PAX7: variants seen among roughly 807,000 people sequenced by gnomAD.
PAX7 encodes the protein paired box 7.
Under a neutral mutation model 50.7 loss-of-function variants are expected in PAX7, and 18 were observed. The ratio of observed to expected loss-of-function variants is 0.36; its 90% CI spans 0.25 to 0.53. The LOEUF is 0.53. Among genes scored for constraint, PAX7 ranks in the 20% least tolerant of loss-of-function variants. The pLI is 0.93. For missense variants in PAX7, 644 were observed against 702.9 expected (o/e 0.92, Z 0.95); for synonymous variants, 310 against 290.4 (o/e 1.07, Z -0.69).
At chr1:18,699,096 C>T (rs946312591) in intron 5 of PAX7, among the ~76,000 whole-genome samples, 1 of 152,212 alleles carries the variant, frequency 6.6e-6, no homozygotes, top group African/African-American at 2.4e-5. Context: ...CTTGTTCATT[C>T]ATTCATTCGT....
At chr1:18,702,242 G>A (rs1399622995) in intron 6 of PAX7, among the ~76,000 whole-genome samples, 3 of 152,240 alleles carry the variant, frequency 2.0e-5, no homozygotes, top group African/African-American at 7.2e-5. Context: ...AGGAGGCTGA[G>A]GCAGGGGAAT....
chr1:18,681,233 C>T (rs999157982), intron 4 of PAX7, among the ~76,000 whole-genome samples: 3 of 151,796 alleles, frequency 2.0e-5, no homozygotes, highest in Non-Finnish European at 4.4e-5. Context: ...CTGCCCCTGC[C>T]CCCAAGGTGC....
chr1:18,652,249 C>T (rs1400601304), intron 4 of PAX7, among the ~76,000 whole-genome samples: 2 of 152,082 alleles, frequency 1.3e-5, no homozygotes, highest in East Asian at 3.9e-4. Flanking sequence ...TTCTCTTCCC[C>T]GCCCCCCCAT....
At chr1:18,737,238 G>A (rs1036232228) in intron 8 of PAX7, among the ~76,000 whole-genome samples, 1 of 152,258 alleles carries the variant, frequency 6.6e-6, no homozygotes, top group Non-Finnish European at 1.5e-5. Flanking sequence ...TCAGAAGGGC[G>A]TGTGGCAAGA....
At chr1:18,635,349 CT>C in intron 3 of PAX7, 109 bp downstream of exon 3, 1 of 1,326,314 alleles carries the variant, frequency 7.5e-7, no homozygotes, top group Non-Finnish European at 1.0e-6. Flanking sequence ...TGACTGTGAA[CT>C]TACTGAGAAG....
chr1:18,672,554 G>A (rs1023300250), intron 4 of PAX7, among the ~76,000 whole-genome samples: 1 of 150,000 alleles, frequency 6.7e-6, no homozygotes, highest in Non-Finnish European at 1.5e-5. Flanking sequence ...CAGATGCAGT[G>A]TCCCCTCCTG....
chr1:18,729,403 A>G (rs535670374), intron 7 of PAX7, among the ~76,000 whole-genome samples: 1 of 152,286 alleles, frequency 6.6e-6, no homozygotes, highest in South Asian at 2.1e-4. Context: ...CAGTTTCCCC[A>G]TCTGTGAACA....
chr1:18,736,799 G>C (rs1930712699), intron 8 of PAX7, among the ~76,000 whole-genome samples: 1 of 152,220 alleles, frequency 6.6e-6, no homozygotes, highest in Non-Finnish European at 1.5e-5. Context: ...TTGAAGATTG[G>C]TTTTTGACTT....
At chr1:18,677,205 G>T (rs1244428644) in intron 4 of PAX7, among the ~76,000 whole-genome samples, 1 of 152,222 alleles carries the variant, frequency 6.6e-6, no homozygotes. Context: ...TGTCTCCAGA[G>T]GGTGAAGTCT....
At chr1:18,667,867 A>C (rs944959058) in intron 4 of PAX7, among the ~76,000 whole-genome samples, 1 of 152,088 alleles carries the variant, frequency 6.6e-6, no homozygotes, top group African/African-American at 2.4e-5. Flanking sequence ...GGCCAGTAGG[A>C]CACATGCCCT....
intron 7 of PAX7, among the ~76,000 whole-genome samples, chr1:18,727,378 A>T (rs977864554): frequency 0.036 from 2,581 of 71,928 alleles, 35 homozygotes; most frequent in African/African-American, 0.079. Context: ...TCATACACAC[A>T]CACACACACA....
At chr1:18,716,513 T>TTG (rs59102162) in intron 7 of PAX7, among the ~76,000 whole-genome samples, 90,215 of 150,726 alleles carry the variant, frequency 0.6, 27,996 homozygotes, top group Non-Finnish European at 0.69. Context: ...TGTTTTTTGT[T>TTG]TTTTTCACAC....
chr1:18,733,432 A>G (rs766194559), intron 7 of PAX7, among the ~76,000 whole-genome samples: 1 of 152,042 alleles, frequency 6.6e-6, no homozygotes, highest in African/African-American at 2.4e-5. Flanking sequence ...TTGCAAACCC[A>G]TTCCAGTGTG....
intron 7 of PAX7, among the ~76,000 whole-genome samples, chr1:18,716,715 C>T (rs1295511727): frequency 6.6e-6 from 1 of 151,960 alleles, no homozygotes; most frequent in African/African-American, 2.4e-5. Flanking sequence ...TCCCTCTTTG[C>T]CTGCCTCCTC....
chr1:18,634,399 AGATGG>A lies in PAX7; in HGVS notation c.183_187del (p.Glu61AspfsTer57). 1 of 1,614,168 alleles carries A rather than the reference AGATGG, an allele frequency of 6.2e-7. No homozygotes were observed. Among genetic ancestry groups the A allele is most frequent in the Non-Finnish European group, 8.5e-7 (1 of 1,180,036 alleles). On this transcript the variant is annotated frameshift_variant, in exon 2 of 9. Coordinates refer to ENST00000420770, the MANE Select transcript of PAX7 (RefSeq NM_001135254.2). LOFTEE classifies it high-confidence loss of function. The surrounding 1 kb of genome is among the most constrained non-coding windows in gnomAD (Gnocchi z 4.0). ...AACCACATCCGCCACAAGATAGTGG[AGATGG>A]CCCACCATGGCATCCGGCCCTGTGT...
intron 8 of PAX7, among the ~76,000 whole-genome samples, chr1:18,737,703 TCTG>T (rs1340885859): frequency 6.6e-6 from 1 of 152,290 alleles, no homozygotes; most frequent in Non-Finnish European, 1.5e-5. Flanking sequence ...GATGTGCACA[TCTG>T]TGTGTGTGAA....
At chr1:18,683,632 G>A (rs1309244943) in intron 4 of PAX7, among the ~76,000 whole-genome samples, 1 of 152,192 alleles carries the variant, frequency 6.6e-6, no homozygotes, top group Non-Finnish European at 1.5e-5. Flanking sequence ...CTGAGGTCAG[G>A]AGTTTGAGAC....
At chr1:18,719,688 C>A (rs111317326) in intron 7 of PAX7, among the ~76,000 whole-genome samples, 1 of 152,200 alleles carries the variant, frequency 6.6e-6, no homozygotes. Flanking sequence ...AGATAATGAC[C>A]TCTGCTGGCC....
In PAX7 at chr1:18,631,508, G is replaced by A. The variant is rs2088045102; in HGVS notation, c.-96G>A. 2 of 1,028,870 alleles carry A rather than the reference G, an allele frequency of 1.9e-6. No homozygotes were observed. Among genetic ancestry groups the A allele is most frequent in the East Asian group, 2.6e-5 (1 of 38,870 alleles). 63.7% of individuals were successfully genotyped at this position (1,028,870 alleles called of 1,614,324 possible). ...GAGAAGAGGTTAAAAAAAAGAAGAC[G>A]AAGAAGACGGAAAGAAAGAGATCGC... On this transcript the variant is annotated 5_prime_UTR_variant, in exon 1 of 9. Coordinates refer to ENST00000420770, the MANE Select transcript of PAX7 (RefSeq NM_001135254.2).
Sources: gnomAD v4.1 joint callset for allele counts (sites outside exome capture counted in the v4.1 genomes callset) on GRCh38, gnomAD v4.1.1 for gene constraint, Gnocchi (gnomAD v3.1) non-coding constraint, MANE v1.5 for transcripts, NCBI Gene and HGNC (gene_info 2026-07-23, HGNC 2026-07-21) for gene names.